Variants in FYB2 observed in about 807,000 individuals in gnomAD.
FYB2 encodes the protein FYN binding protein 2.
FYB2 carries 103 observed loss-of-function variants against 94.1 expected under a neutral mutation model. The observed-to-expected ratio is 1.09, with a 90% CI of 0.93 to 1.29. FYB2 has a LOEUF of 1.29. Ranked by LOEUF, FYB2 falls within the 50% of genes most tolerant of loss-of-function variation. The pLI is 0.00. For missense variants in FYB2, 896 were observed against 841.5 expected, an observed-to-expected ratio of 1.06 and a Z score of -0.80; for synonymous variants, 293 against 287.9, an observed-to-expected ratio of 1.02 and a Z score of -0.18.
Position 56,720,311 on chromosome 1 carries a change from C to T in FYB2, c.1993G>A (p.Val665Ile). 1 of 1,602,648 alleles carries T rather than the reference C, an allele frequency of 6.2e-7. No homozygotes were observed. The change falls in exon 18 of 20, where the codon GTC (valine) becomes ATC (isoleucine). Residue 665 changes from valine to isoleucine, a missense_variant. Physicochemically the swap from Val to Ile is conservative, Grantham distance 29 (BLOSUM62 3). Transcript: ENST00000343433. ...GAACAGGCCACTGCTGTATTGATGA[C>T]AATAATCTCTTTGTCGTACTGAAAT... ...ERFKYDKEIIVINTAVACSNN... is the reference protein window; with the variant it reads ...ERFKYDKEIIIINTAVACSNN...
intron 1 of FYB2, among the ~76,000 whole-genome samples, chr1:56,802,497 T>C (rs180846111): frequency 5.9e-5 from 9 of 152,258 alleles, no homozygotes; most frequent in Admixed American, 5.9e-4. Flanking sequence ...GTTTCCATTG[T>C]AGAGAAAAGG....
chr1:56,719,665 AT>A lies in FYB2; in HGVS notation c.*5del. The A allele has an allele frequency of 6.3e-7, 1 of 1,598,346 alleles. No individual in the cohort carries two copies. Among genetic ancestry groups the A allele is most frequent in the Non-Finnish European group, 8.6e-7 (1 of 1,168,590 alleles). ...GTGCAGTCCATAGCATTTGATCTTG[AT>A]TTTTCTAAGGTGACCAACTTTGATG... On this transcript the variant is annotated 3_prime_UTR_variant, in exon 20 of 20. Coordinates refer to ENST00000343433, the MANE Select transcript of FYB2 (RefSeq NM_001004303.5).
chr1:56,720,408 T>C (rs1345063421), intron 17 of FYB2, 79 bp from the exon 18 acceptor site: 1 of 1,304,566 alleles, frequency 7.7e-7, no homozygotes, highest in African/African-American at 1.5e-5. Context: ...GGATATAATA[T>C]AGTAACTTCA....
intron 9 of FYB2, among the ~76,000 whole-genome samples, chr1:56,746,361 A>G (rs1645067542): frequency 2.0e-5 from 3 of 151,890 alleles, no homozygotes; most frequent in African/African-American, 7.2e-5. Flanking sequence ...CTTAGTACAT[A>G]TTTTTATTTG....
At chr1:56,806,801 T>C (rs1353424670) in intron 1 of FYB2, among the ~76,000 whole-genome samples, 2 of 152,134 alleles carry the variant, frequency 1.3e-5, no homozygotes, top group Non-Finnish European at 2.9e-5. Flanking sequence ...TTAAGCAACA[T>C]TTAACTGCAT....
At chr1:56,753,768 G>A in intron 8 of FYB2, 71 bp downstream of exon 8, 3 of 1,015,872 alleles carry the variant, frequency 3.0e-6, no homozygotes, top group Admixed American at 1.9e-5. Context: ...GCTCTCTCAG[G>A]CCATATAAAG....
intron 1 of FYB2, among the ~76,000 whole-genome samples, chr1:56,800,053 C>A (rs1646485093): frequency 6.6e-6 from 1 of 152,158 alleles, no homozygotes; most frequent in Admixed American, 6.5e-5. Context: ...CAGGGAGAAA[C>A]AATGGCAACG....
At chr1:56,742,025 T>C (rs545574263) in intron 12 of FYB2, 136 bp downstream of exon 12, 1 of 681,198 alleles carries the variant, frequency 1.5e-6, no homozygotes, top group African/African-American at 1.8e-5. Context: ...GTGTGAATCT[T>C]TCCTAAAAGA....
upstream of FYB2, among the ~76,000 whole-genome samples, chr1:56,820,073 T>C (rs2101137092): frequency 6.6e-6 from 1 of 151,572 alleles, no homozygotes; most frequent in Middle Eastern, 3.4e-3. Flanking sequence ...ACCAAAAATA[T>C]AAAAAAAATT....
At chr1:56,727,700 A>T (rs1022492211) in intron 15 of FYB2, among the ~76,000 whole-genome samples, 1 of 152,180 alleles carries the variant, frequency 6.6e-6, no homozygotes, top group African/African-American at 2.4e-5. Flanking sequence ...CTTGAGGGAA[A>T]GGATACATGA....
chr1:56,757,694 CTTTCTTTCTTTCTTTCTTTCT>C (rs1645376587), intron 6 of FYB2, among the ~76,000 whole-genome samples: 1 of 73,710 alleles, frequency 1.4e-5, no homozygotes, highest in Non-Finnish European at 2.5e-5. Flanking sequence ...TTCCTTCTTT[CTTTCTTTCTTTCTTTCTTTCT>C]TTCTTTCTTT....
intron 1 of FYB2, among the ~76,000 whole-genome samples, chr1:56,812,759 T>C (rs1646795475): frequency 6.6e-6 from 1 of 152,172 alleles, no homozygotes; most frequent in South Asian, 2.1e-4. Flanking sequence ...TCAGATTTCT[T>C]CTCTTGGGAA....
chr1:56,810,564 T>C (rs2101076691), intron 1 of FYB2, among the ~76,000 whole-genome samples: 1 of 152,316 alleles, frequency 6.6e-6, no homozygotes, highest in East Asian at 1.9e-4. Flanking sequence ...ATCTGAAAGA[T>C]ATCAAAGAGA....
At chr1:56,727,983 T>G (rs1174373833) in intron 15 of FYB2, among the ~76,000 whole-genome samples, 2 of 152,112 alleles carry the variant, frequency 1.3e-5, no homozygotes, top group Non-Finnish European at 2.9e-5. Flanking sequence ...GAATAGCCAC[T>G]GCATTTCAAC....
Position 56,726,480 on chromosome 1 carries a change from T to C in FYB2, c.1880+17A>G. ...TGCAGCAGATAAGCTATAATAGAAG[T>C]GCCTCTGTGTTCCCACCTTTCTGAT... On this transcript the variant is annotated intron_variant, in intron 16 of 19. Transcript: ENST00000343433. 6.2e-7 allele frequency: 1 copy of C among 1,604,744 alleles called. No homozygotes were observed. The highest frequency in any genetic ancestry group is 8.5e-7 in the Non-Finnish European group (1 of 1,174,812).
intron 1 of FYB2, among the ~76,000 whole-genome samples, chr1:56,811,048 C>T (rs909571771): frequency 4.2e-4 from 64 of 152,098 alleles, no homozygotes; most frequent in African/African-American, 1.5e-3. Context: ...ACTCACTGAG[C>T]GCAGGTATGC....
intron 9 of FYB2, among the ~76,000 whole-genome samples, chr1:56,746,479 C>G (rs1225398881): frequency 6.6e-6 from 1 of 151,958 alleles, no homozygotes; most frequent in Non-Finnish European, 1.5e-5. Context: ...TAGTTACCCA[C>G]AAGAGTGACC....
intron 1 of FYB2, among the ~76,000 whole-genome samples, chr1:56,797,426 C>T (rs77972882): frequency 6.6e-6 from 1 of 152,090 alleles, no homozygotes; most frequent in African/African-American, 2.4e-5. Flanking sequence ...CTCTACCTAC[C>T]TTACCCTGGG....
At chr1:56,821,807 T>C (rs1646994557), upstream of FYB2, among the ~76,000 whole-genome samples, 1 of 152,168 alleles carries the variant, frequency 6.6e-6, no homozygotes, top group African/African-American at 2.4e-5. Context: ...TTGTATTCAT[T>C]TGCTATAAGG....
Sources: allele counts gnomAD v4.1 joint callset (sites outside exome capture counted in the v4.1 genomes callset), GRCh38; gene constraint gnomAD v4.1.1; transcripts MANE v1.5; gene names NCBI Gene and HGNC (gene_info 2026-07-23, HGNC 2026-07-21).